Variants in KIAA0408 observed in about 807,000 individuals in gnomAD.
The protein encoded by KIAA0408 is uncharacterized protein KIAA0408.
A neutral mutation model predicts 60.9 loss-of-function variants in KIAA0408; 51 were observed. The ratio of observed to expected loss-of-function variants is 0.84; its 90% CI spans 0.67 to 1.06. The LOEUF (loss-of-function observed/expected upper bound fraction) is 1.06. Ranked by LOEUF, KIAA0408 falls within the 50% of genes least tolerant of loss-of-function variation. The pLI is 0.00. For synonymous variants in KIAA0408, 304 were observed against 282.4 expected, an observed-to-expected ratio of 1.08 and a Z score of -0.77; for missense variants, 787 against 833.9, an observed-to-expected ratio of 0.94 and a Z score of 0.69.
chr6:127,440,309 T>G lies in KIAA0408; in HGVS notation c.*3800A>C, dbSNP rs1161019725. ...ATATTTTCAGGGTGAGATGAACAAG[T>G]CATAGTTATAAGTTCTTTTTTTTTT... On this transcript the variant is annotated 3_prime_UTR_variant, in exon 6 of 6. Coordinates refer to ENST00000483725, the MANE Select transcript of KIAA0408 (RefSeq NM_014702.5). 1 of 149,628 alleles carries G rather than the reference T, an allele frequency of 6.7e-6. No homozygotes were observed. Among genetic ancestry groups the G allele is most frequent in the Non-Finnish European group, 1.5e-5 (1 of 67,632 alleles). 9.3% of individuals were successfully genotyped at this position (149,628 alleles called of 1,614,324 possible).
Position 127,439,134 on chromosome 6 carries a change from C to A in KIAA0408, c.*4975G>T. On this transcript the variant is annotated 3_prime_UTR_variant, in exon 6 of 6. Coordinates refer to ENST00000483725, the MANE Select transcript of KIAA0408 (RefSeq NM_014702.5). ...GCTTGCAGCTTGATCTTGGACTTCC[C>A]AGCCTCCAGAACTGTAGAGAAATAA... The A allele has an allele frequency of 1.2e-5, 2 of 166,550 alleles. No individual in the cohort carries two copies. Among genetic ancestry groups the A allele is most frequent in the South Asian group, 3.5e-4 (2 of 5,692 alleles). The allele number at this position is 166,550 out of a possible 1,614,324, so 10.3% of individuals were successfully genotyped here. A position where few individuals can be genotyped will look rare whatever the true frequency, so the allele number is the denominator to read the frequency against.
At chr6:127,451,721 T>C (rs1773305594) in intron 2 of KIAA0408, among the ~76,000 whole-genome samples, 1 of 152,190 alleles carries the variant, frequency 6.6e-6, no homozygotes, top group Admixed American at 6.5e-5. Context: ...TATATGATCC[T>C]TCCTCCTGTC....
At chr6:127,445,830 GA>G (rs1773181978) in intron 5 of KIAA0408, among the ~76,000 whole-genome samples, 1 of 151,912 alleles carries the variant, frequency 6.6e-6, no homozygotes, top group Admixed American at 6.6e-5. Flanking sequence ...TCTATGCTAA[GA>G]ATACATACAA....
At chr6:127,445,869 A>G (rs1165621998) in intron 5 of KIAA0408, among the ~76,000 whole-genome samples, 4 of 152,120 alleles carry the variant, frequency 2.6e-5, no homozygotes, top group Non-Finnish European at 2.9e-5. Context: ...TATATATACT[A>G]TCTTTTAGTT....
Position 127,446,953 on chromosome 6 carries a change from A to G in KIAA0408, c.1366T>C (p.Cys456Arg), listed in dbSNP as rs1439700716. The change falls in exon 5 of 6, where the codon TGT becomes CGT. Residue 456 changes from cysteine to arginine, a missense_variant. Physicochemically the swap from Cys to Arg is radical, Grantham distance 180. Coordinates refer to ENST00000483725, the MANE Select transcript of KIAA0408 (RefSeq NM_014702.5). ...CTGTGATTTTGCTGTATTGCCTGAC[A>G]ATTTCTATCTGTTCTAAATACAGTT... is the stretch of plus-strand genomic sequence containing the variant. ...NRTVFRTDRN[C>R]QAIQQNHSCS... is the part of the protein sequence containing the mutation. 3 of 1,613,834 alleles carry G rather than the reference A, an allele frequency of 1.9e-6. No individual in the cohort carries two copies. The highest frequency in any genetic ancestry group is 2.5e-6 in the Non-Finnish European group (3 of 1,179,992).
Position 127,449,996 on chromosome 6 carries a change from G to A in KIAA0408, c.492C>T (p.Leu164=), listed in dbSNP as rs781453970. 3 of 1,613,592 alleles carry A rather than the reference G, an allele frequency of 1.9e-6. No homozygotes were observed. The African/African-American group carries it at 4.0e-5, about 22-fold the overall frequency. Residue 164 remains leucine (L), a synonymous_variant, in exon 3 of 6, where the codon CTC becomes CTT. Transcript: ENST00000483725. ...CCAATCACATCTTACTTACTGTACTGAGGGCGCCAGAACAGCTCTTGCTGT... is the reference window on the plus strand; with the variant it reads ...CCAATCACATCTTACTTACTGTACTAAGGGCGCCAGAACAGCTCTTGCTGT... ...EEDSKSCSGA[L]STALEELAKV... is the part of the protein sequence containing the mutation.
Position 127,446,842 on chromosome 6 carries a change from C to T in KIAA0408, c.1477G>A (p.Gly493Ser), listed in dbSNP as rs767185394. The T allele has an allele frequency of 8.1e-6, 13 of 1,613,734 alleles. No homozygotes were observed. Among genetic ancestry groups the T allele is most frequent in the East Asian group, 6.7e-5 (3 of 44,874 alleles). ...ATGTGGGCATTGGTTTTCCAAATAC[C>T]GGACACATCGTTACTTTGTGATATG... is the stretch of plus-strand genomic sequence containing the variant. The part of the protein sequence containing the change: ...GSISQSNDVS[G>S]IWKTNAHMPV... The change falls in exon 5 of 6, where the codon GGT becomes AGT. Residue 493 changes from glycine to serine, a missense_variant. Around this residue, in one of 3 missense-constraint regions of KIAA0408, gnomAD observed 640 missense variants for 681.3 expected, o/e 0.94. Coordinates refer to ENST00000483725, the MANE Select transcript of KIAA0408 (RefSeq NM_014702.5).
chr6:127,439,073 G>C lies in KIAA0408; in HGVS notation c.*5036C>G, dbSNP rs1367220109. ...AGACACAGCAATAAGGCACCACCTT[G>C]AAAGCACACAGCAGCCCTCACCAGA... On this transcript the variant is annotated 3_prime_UTR_variant, in exon 6 of 6. Coordinates refer to ENST00000483725, the MANE Select transcript of KIAA0408 (RefSeq NM_014702.5). 6.4e-6 allele frequency: 1 copy of C among 155,630 alleles called. No homozygotes were observed. The allele number at this position is 155,630 out of a possible 1,614,324, so 9.6% of individuals were successfully genotyped here.
intron 1 of KIAA0408, among the ~76,000 whole-genome samples, chr6:127,454,543 G>A (rs1170696407): frequency 2.0e-5 from 3 of 152,020 alleles, no homozygotes; most frequent in Non-Finnish European, 4.4e-5. Flanking sequence ...AAACAGAGCT[G>A]GTTTGCAGTC....
intron 2 of KIAA0408, 36 bp downstream of exon 2, chr6:127,453,811 A>T: frequency 6.3e-7 from 1 of 1,594,658 alleles, no homozygotes; most frequent in Non-Finnish European, 8.5e-7. Context: ...CCTGCACTTA[A>T]ACATTACAGT....
chr6:127,453,950 TCTGTGTTCTCCCA>T lies in KIAA0408; in HGVS notation c.19_31del (p.Trp7ArgfsTer33). On this transcript the variant is annotated frameshift_variant, in exon 2 of 6. Transcript: ENST00000483725. LOFTEE classifies it high-confidence loss of function. ...CATCTTTTCCTTATGCCAGTTAGTCTCTGTGTTCTCCCACTGCTTATGTAGGTCCATGGCAACA... is the reference window on the plus strand; with the variant it reads ...CATCTTTTCCTTATGCCAGTTAGTCTCTGCTTATGTAGGTCCATGGCAACA... The T allele has an allele frequency of 1.2e-6, 2 of 1,612,988 alleles. No homozygotes were observed. Among genetic ancestry groups the T allele is most frequent in the Non-Finnish European group, 1.7e-6 (2 of 1,179,214 alleles).
rs1583065023 is a variant in KIAA0408, at chr6:127,444,210, G to A, written c.1984C>T (p.Pro662Ser). 6.2e-7 allele frequency: 1 copy of A among 1,613,340 alleles called. No individual in the cohort carries two copies. Among genetic ancestry groups the A allele is most frequent in the East Asian group, 2.2e-5 (1 of 44,810 alleles). The stretch of plus-strand genomic sequence containing the variant: ...GGAGATCTGGATGCCCATCTGGAGG[G>A]GAGACGACGATTTGCTGGTCTAGCA... Reference protein sequence around the residue: ...RPARPANRRLPSRWASRSPSA... With the variant: ...RPARPANRRLSSRWASRSPSA... The change falls in exon 6 of 6, where the codon CCC (proline) becomes TCC (serine). Residue 662 changes from proline (P) to serine (S), a missense_variant. By Grantham distance (74) the Pro-to-Ser change is moderately conservative. This residue lies in a region of KIAA0408 where 133 missense variants were observed against 119.2 expected (regional missense o/e 1.12). Coordinates refer to ENST00000483725, the MANE Select transcript of KIAA0408 (RefSeq NM_014702.5).
chr6:127,444,242 G>A lies in KIAA0408; in HGVS notation c.1952C>T (p.Ser651Phe). ...SVNASHGKGF[S>F]RPARPANRRL... is the part of the protein sequence containing the mutation. Reference sequence around the variant, plus strand: ...ACGATTTGCTGGTCTAGCAGGTCGGGAAAATCCTTTTCCATGTGAGGCGTT... The same window carrying A: ...ACGATTTGCTGGTCTAGCAGGTCGGAAAAATCCTTTTCCATGTGAGGCGTT... Residue 651 changes from serine (S) to phenylalanine (F), a missense_variant, in exon 6 of 6, where the codon TCC becomes TTC. Around this residue, in one of 3 missense-constraint regions of KIAA0408, gnomAD observed 133 missense variants for 119.2 expected, o/e 1.12. Transcript: ENST00000483725. 1 of 1,608,946 alleles carries A rather than the reference G, an allele frequency of 6.2e-7. No individual in the cohort carries two copies.
chr6:127,444,028 G>T lies in KIAA0408; in HGVS notation c.*81C>A. The T allele has an allele frequency of 1.5e-6, 2 of 1,329,264 alleles. No individual in the cohort carries two copies. Among genetic ancestry groups the T allele is most frequent in the Non-Finnish European group, 2.1e-6 (2 of 937,046 alleles). 82.3% of individuals were successfully genotyped at this position (1,329,264 alleles called of 1,614,324 possible). Reference sequence around the variant, plus strand: ...TCAAATTGCTTGTCGGAAGAGAACAGGTCCGCCTGTAAACACTCAGAATGC... The same window carrying T: ...TCAAATTGCTTGTCGGAAGAGAACATGTCCGCCTGTAAACACTCAGAATGC... On this transcript the variant is annotated 3_prime_UTR_variant, in exon 6 of 6. Transcript: ENST00000483725.
chr6:127,445,202 A>G (rs1380742407), intron 5 of KIAA0408, among the ~76,000 whole-genome samples: 2 of 152,212 alleles, frequency 1.3e-5, no homozygotes, highest in African/African-American at 4.8e-5. Flanking sequence ...ACAAAAAACA[A>G]AAACAAAAAC....
In KIAA0408 at chr6:127,453,746, C is replaced by T. The variant is rs1773343077; in HGVS notation, c.135+101G>A. ...TCACTGAGAAATGTACCTCTTAGGT[C>T]GAATAAGGAAATCAAAAACAGTTTC... On this transcript the variant is annotated intron_variant, in intron 2 of 5. Coordinates refer to ENST00000483725, the MANE Select transcript of KIAA0408 (RefSeq NM_014702.5). 3.2e-5 allele frequency: 47 copies of T among 1,462,408 alleles called. 1 individual carries two copies. The South Asian group carries it at 5.5e-4, about 17-fold the overall frequency. The allele number at this position is 1,462,408 out of a possible 1,614,324, so 90.6% of individuals were successfully genotyped here. A position where few individuals can be genotyped will look rare whatever the true frequency, so the allele number is the denominator to read the frequency against.
At chr6:127,455,341 A>G (rs1397033277) in intron 1 of KIAA0408, among the ~76,000 whole-genome samples, 2 of 152,156 alleles carry the variant, frequency 1.3e-5, no homozygotes, top group Admixed American at 6.6e-5. Flanking sequence ...GGCACTGCCG[A>G]ATTAAGGCCA....
At chr6:127,447,846 C>G in intron 4 of KIAA0408, 106 bp from the exon 5 acceptor site, 1 of 1,352,354 alleles carries the variant, frequency 7.4e-7, no homozygotes, top group Non-Finnish European at 9.7e-7. Context: ...GAAAAGGATT[C>G]ACAACTGCCT....
chr6:127,449,696 C>A, intron 4 of KIAA0408, 126 bp downstream of exon 4: 1 of 1,271,416 alleles, frequency 7.9e-7, no homozygotes, highest in Non-Finnish European at 1.1e-6. Flanking sequence ...TATCTCCCAC[C>A]CTAGATAGTA....
Sources: allele counts gnomAD v4.1 joint callset (sites outside exome capture counted in the v4.1 genomes callset), GRCh38; gene constraint gnomAD v4.1.1; regional missense constraint gnomAD v4.1.1; transcripts MANE v1.5; gene names NCBI Gene and HGNC (gene_info 2026-07-23, HGNC 2026-07-21).